TSPAN18: variants seen among roughly 807,000 people sequenced by gnomAD.
The protein encoded by TSPAN18 is tetraspanin 18, also known as tetraspanin-18.
In TSPAN18, 14 loss-of-function variants were observed where a neutral mutation model predicts 27.3. The observed-to-expected ratio is 0.51, with a 90% CI of 0.34 to 0.80. TSPAN18 has a LOEUF of 0.80. TSPAN18 is among the 30% of genes least tolerant of loss of function. The probability of loss-of-function intolerance (pLI) is 0.01; values close to 1 mark genes in which losing one functional copy is unlikely to be tolerated. For missense variants in TSPAN18, 268 were observed against 323.9 expected, an observed-to-expected ratio of 0.83 and a Z score of 1.32; for synonymous variants, 143 against 136.5, an observed-to-expected ratio of 1.05 and a Z score of -0.33.
At chr11:44,756,751 T>C (rs556164929) in intron 1 of TSPAN18, among the ~76,000 whole-genome samples, 2 of 152,328 alleles carry the variant, frequency 1.3e-5, no homozygotes, top group African/African-American at 4.8e-5. Flanking sequence ...AATTTCCTTC[T>C]TTTTTAAGGT....
chr11:44,869,344 C>T (rs149227858), intron 3 of TSPAN18, among the ~76,000 whole-genome samples: 13 of 152,338 alleles, frequency 8.5e-5, no homozygotes, highest in African/African-American at 2.9e-4. Flanking sequence ...CTGCCTCTTG[C>T]TGTGTGACCT....
chr11:44,851,027 G>A (rs575906930), intron 2 of TSPAN18, among the ~76,000 whole-genome samples: 1 of 152,314 alleles, frequency 6.6e-6, no homozygotes, highest in East Asian at 1.9e-4. Context: ...ACCATCCCAG[G>A]GCTGTGGCTA....
intron 2 of TSPAN18, among the ~76,000 whole-genome samples, chr11:44,833,841 G>C (rs777050646): frequency 1.2e-4 from 18 of 151,868 alleles, no homozygotes; most frequent in Non-Finnish European, 2.4e-4. Flanking sequence ...ACTTGCTGGG[G>C]ATAAAGACAC....
intron 3 of TSPAN18, among the ~76,000 whole-genome samples, chr11:44,895,663 G>A (rs1477737412): frequency 6.6e-6 from 1 of 152,034 alleles, no homozygotes; most frequent in Non-Finnish European, 1.5e-5. Flanking sequence ...AAAGGGGCTG[G>A]AGCTCCCTGG....
At chr11:44,790,178 T>A (rs111633893) in intron 2 of TSPAN18, among the ~76,000 whole-genome samples, 1 of 151,192 alleles carries the variant, frequency 6.6e-6, no homozygotes, top group Non-Finnish European at 1.5e-5. Flanking sequence ...TGTGTGTGTG[T>A]GCGCATATGT....
chr11:44,915,637 A>C (rs4755916), intron 5 of TSPAN18, among the ~76,000 whole-genome samples: 84,924 of 151,984 alleles, frequency 0.56, 24,194 homozygotes, highest in East Asian at 0.79. Flanking sequence ...AGACAGACTC[A>C]TGGGCTCAGA....
chr11:44,830,042 G>A (rs1857123580), intron 2 of TSPAN18, among the ~76,000 whole-genome samples: 1 of 152,126 alleles, frequency 6.6e-6, no homozygotes, highest in African/African-American at 2.4e-5. Flanking sequence ...ATCCACCCCT[G>A]CCCTCCTCAC....
chr11:44,875,550 GAGA>G (rs1356089075), intron 3 of TSPAN18, among the ~76,000 whole-genome samples: 9 of 152,208 alleles, frequency 5.9e-5, no homozygotes, highest in African/African-American at 1.4e-4. Flanking sequence ...AAATGGAATT[GAGA>G]AGATGTTACA....
chr11:44,898,953 G>A (rs1310214015), intron 3 of TSPAN18, among the ~76,000 whole-genome samples: 1 of 152,200 alleles, frequency 6.6e-6, no homozygotes, highest in East Asian at 1.9e-4. Context: ...TGAGGGTCAT[G>A]TTGTATTAGA....
intron 3 of TSPAN18, among the ~76,000 whole-genome samples, chr11:44,868,528 C>T (rs974037208): frequency 6.6e-6 from 1 of 152,164 alleles, no homozygotes; most frequent in African/African-American, 2.4e-5. Flanking sequence ...GCAGAGGAAG[C>T]TCCAGCCCAG....
At chr11:44,838,266 G>A (rs568326319) in intron 2 of TSPAN18, among the ~76,000 whole-genome samples, 1 of 152,278 alleles carries the variant, frequency 6.6e-6, no homozygotes, top group African/African-American at 2.4e-5. Flanking sequence ...AGCAAGGCAT[G>A]TCTTACATGG....
At chr11:44,893,117 C>T (rs534288565) in intron 3 of TSPAN18, among the ~76,000 whole-genome samples, 18 of 152,304 alleles carry the variant, frequency 1.2e-4, no homozygotes, top group East Asian at 5.8e-4. Flanking sequence ...CCTTCTTTGA[C>T]GATTCTCTGA....
intron 2 of TSPAN18, among the ~76,000 whole-genome samples, chr11:44,783,213 A>G (rs1383622340): frequency 6.6e-6 from 1 of 152,196 alleles, no homozygotes; most frequent in Non-Finnish European, 1.5e-5. Context: ...AATATCTTTA[A>G]TGACCTTGAG....
At chr11:44,777,086 G>A (rs192241627) in intron 2 of TSPAN18, among the ~76,000 whole-genome samples, 169 of 152,312 alleles carry the variant, frequency 1.1e-3, no homozygotes, top group African/African-American at 3.5e-3. Context: ...GCTTAGGAGC[G>A]GACCTAGATG....
chr11:44,776,597 C>T (rs186964553), intron 2 of TSPAN18, among the ~76,000 whole-genome samples: 4 of 152,242 alleles, frequency 2.6e-5, no homozygotes, highest in African/African-American at 4.8e-5. Flanking sequence ...TCTGCTCTGC[C>T]GTCCTTCTTC....
intron 3 of TSPAN18, among the ~76,000 whole-genome samples, chr11:44,905,688 T>C (rs572503200): frequency 2.6e-5 from 4 of 152,362 alleles, no homozygotes; most frequent in Admixed American, 2.0e-4. Context: ...TCAATCAATG[T>C]TGGCTGAATG....
At position 44,827,263 on chromosome 11, in the gene TSPAN18, C is replaced by T. The variant is rs370149244; in HGVS notation, c.-152-33065C>T. ...TTGCTTTTCCAGGTCCCTGATGTTA[C>T]TTACCTACCACACAACAGGGATCCC... On this transcript the variant is annotated intron_variant, in intron 2 of 9. Transcript: ENST00000520358. Among the ~76,000 whole-genome samples the T allele has an allele frequency of 1.2e-4, 18 of 152,360 alleles. No homozygotes were observed. In the East Asian group the frequency reaches 3.5e-3, roughly 29 times the overall value.
At chr11:44,843,813 G>C (rs915867930) in intron 2 of TSPAN18, among the ~76,000 whole-genome samples, 2 of 152,226 alleles carry the variant, frequency 1.3e-5, no homozygotes, top group African/African-American at 4.8e-5. Flanking sequence ...CAGCTCACCA[G>C]CAGTCAGAGT....
At chr11:44,858,541 C>T (rs7935135) in intron 2 of TSPAN18, among the ~76,000 whole-genome samples, 20,727 of 152,198 alleles carry the variant, frequency 0.14, 1,519 homozygotes, top group South Asian at 0.18. Flanking sequence ...GGTGTTGGGA[C>T]TGGAACCCAG....
Sources: gnomAD v4.1 joint callset for allele counts (sites outside exome capture counted in the v4.1 genomes callset) on GRCh38, gnomAD v4.1.1 for gene constraint, MANE v1.5 for transcripts, NCBI Gene and HGNC (gene_info 2026-07-23, HGNC 2026-07-21) for gene names.